The following PPFIA1 variants were observed in gnomAD, a reference collection of about 807,000 sequenced individuals.
PPFIA1 encodes the protein liprin-alpha-1.
A neutral mutation model predicts 149.9 loss-of-function variants in PPFIA1; 25 were observed. The observed-to-expected ratio is 0.17, with a 90% CI of 0.12 to 0.23. The LOEUF is 0.23. Among genes scored for constraint, PPFIA1 ranks in the 10% least tolerant of loss-of-function variants. PPFIA1 has a pLI of 1.00. For synonymous variants in PPFIA1, 549 were observed against 552.8 expected (o/e 0.99, Z 0.10); for missense variants, 1,362 against 1,506.5 (o/e 0.90, Z 1.59).
At chr11:70,272,123 G>A in intron 1 of PPFIA1, 50 bp from the exon 2 acceptor site, 1 of 1,567,862 alleles carries the variant, frequency 6.4e-7, no homozygotes, top group Non-Finnish European at 8.7e-7. Context: ...ATATTTGTGG[G>A]AACCTGTATT....
chr11:70,309,186 T>C (rs1319904345), intron 2 of PPFIA1, among the ~76,000 whole-genome samples: 2 of 152,184 alleles, frequency 1.3e-5, no homozygotes, highest in African/African-American at 4.8e-5. Context: ...TTTTTTTTTT[T>C]TGAAATGGAG....
intron 16 of PPFIA1, among the ~76,000 whole-genome samples, chr11:70,351,447 G>A (rs1025083145): frequency 2.0e-5 from 3 of 152,314 alleles, no homozygotes; most frequent in Non-Finnish European, 4.4e-5. Context: ...TATAGGCTGA[G>A]TGTCCCTGAT....
intron 14 of PPFIA1, among the ~76,000 whole-genome samples, chr11:70,342,383 G>T (rs1229486808): frequency 6.6e-6 from 1 of 152,198 alleles, no homozygotes. Flanking sequence ...TTGGGGGCTT[G>T]AAGAGTGAGG....
chr11:70,293,632 AT>A (rs766006598), intron 2 of PPFIA1, among the ~76,000 whole-genome samples: 4 of 152,284 alleles, frequency 2.6e-5, no homozygotes, highest in Admixed American at 2.6e-4. Context: ...CCATCACTTA[AT>A]CTGCTGGAGC....
At chr11:70,302,569 A>G (rs1040953878) in intron 2 of PPFIA1, among the ~76,000 whole-genome samples, 6 of 152,126 alleles carry the variant, frequency 3.9e-5, no homozygotes, top group Non-Finnish European at 8.8e-5. Flanking sequence ...CCAGTCAGTT[A>G]TGTCGTTTTC....
At chr11:70,274,659 G>T (rs1316907013) in intron 2 of PPFIA1, among the ~76,000 whole-genome samples, 1 of 151,994 alleles carries the variant, frequency 6.6e-6, no homozygotes, top group Non-Finnish European at 1.5e-5. Flanking sequence ...GACATTTGGG[G>T]TTGTTTCCAG....
At position 70,384,274 on chromosome 11, in the gene PPFIA1, T is replaced by C. The variant is rs2057805482; in HGVS notation, c.*1284T>C. ...CATTGTTACTGTTCTGTTTTTCTAT[T>C]AATCTTTTGTCAACTTCCTGATTAT... On this transcript the variant is annotated 3_prime_UTR_variant, in exon 28 of 28. Transcript: ENST00000253925. 6.6e-6 allele frequency: 1 copy of C among 152,658 alleles called. No individual in the cohort carries two copies. The allele number at this position is 152,658 out of a possible 1,614,324, so 9.5% of individuals were successfully genotyped here.
intron 2 of PPFIA1, among the ~76,000 whole-genome samples, chr11:70,279,725 GTGTGTGTGT>G (rs2050630412): frequency 3.1e-5 from 2 of 64,396 alleles, no homozygotes; most frequent in Non-Finnish European, 6.0e-5. Context: ...GTGTCTAGGT[GTGTGTGTGT>G]GTGTGTGTGT....
chr11:70,291,066 G>T (rs1466480844), intron 2 of PPFIA1, among the ~76,000 whole-genome samples: 1 of 151,930 alleles, frequency 6.6e-6, no homozygotes, highest in Non-Finnish European at 1.5e-5. Flanking sequence ...TGTATTTTTA[G>T]TAGAGACGGG....
At chr11:70,337,633 G>C (rs893703932) in intron 12 of PPFIA1, among the ~76,000 whole-genome samples, 1 of 152,180 alleles carries the variant, frequency 6.6e-6, no homozygotes, top group Non-Finnish European at 1.5e-5. Flanking sequence ...ATATGGTTCA[G>C]AATTCGGAGT....
intron 12 of PPFIA1, 105 bp from the exon 13 acceptor site, chr11:70,338,269 G>C (rs1379333665): frequency 2.0e-5 from 18 of 900,972 alleles, no homozygotes; most frequent in Non-Finnish European, 3.2e-5. Flanking sequence ...TGTAACTGCT[G>C]ATTTAACCTG....
intron 2 of PPFIA1, among the ~76,000 whole-genome samples, chr11:70,312,071 G>A (rs956362453): frequency 2.6e-5 from 4 of 151,542 alleles, no homozygotes; most frequent in Non-Finnish European, 5.9e-5. Context: ...TCGAACTCCT[G>A]GGCTCAAGTG....
At chr11:70,329,459 A>T (rs4980779) in intron 7 of PPFIA1, among the ~76,000 whole-genome samples, 71,684 of 151,826 alleles carry the variant, frequency 0.47, 19,908 homozygotes, top group African/African-American at 0.77. Context: ...TTATTTATTT[A>T]TTTTTGAGAC....
At chr11:70,348,083 T>C in intron 15 of PPFIA1, 106 bp from the exon 16 acceptor site, 1 of 842,706 alleles carries the variant, frequency 1.2e-6, no homozygotes, top group Non-Finnish European at 1.9e-6. Context: ...AGCTTATTAC[T>C]GGAGTTTACT....
chr11:70,382,149 TCTC>T lies in PPFIA1; in HGVS notation c.*6_*8del, dbSNP rs1013317003. 9.3e-6 allele frequency: 15 copies of T among 1,613,084 alleles called. No homozygotes were observed. Among genetic ancestry groups the T allele is most frequent in the Middle Eastern group, 1.6e-4 (1 of 6,082 alleles). On this transcript the variant is annotated 3_prime_UTR_variant, in exon 27 of 28. Coordinates refer to ENST00000253925, the MANE Select transcript of PPFIA1 (RefSeq NM_003626.5). The stretch of plus-strand genomic sequence containing the variant: ...CAGTCAGGACTTACTCCTGCTAAAG[TCTC>T]CTGTTGGTGAGTAGAGAGCACCACA...
At chr11:70,374,611 A>G (rs1255497100) in intron 23 of PPFIA1, 7 of 295,478 alleles carry the variant, frequency 2.4e-5, no homozygotes. Context: ...AAGTTCTTGC[A>G]GTCCTCTGGC....
chr11:70,356,419 T>G (rs768698097), intron 19 of PPFIA1, among the ~76,000 whole-genome samples, 165 bp downstream of exon 19: 3 of 152,236 alleles, frequency 2.0e-5, no homozygotes, highest in Admixed American at 6.5e-5. Context: ...GATTTAGTGT[T>G]TGTGAAATTT....
chr11:70,327,143 T>C (rs895886822), intron 7 of PPFIA1: 2 of 260,958 alleles, frequency 7.7e-6, no homozygotes, highest in African/African-American at 4.6e-5. Context: ...TTGTAGATTC[T>C]TCATCTGTGC....
chr11:70,343,203 TC>T, intron 14 of PPFIA1, among the ~76,000 whole-genome samples: 1 of 152,298 alleles, frequency 6.6e-6, no homozygotes, highest in East Asian at 1.9e-4. Context: ...CACCTCAGCC[TC>T]CCAAAATGCT....
Sources: allele counts gnomAD v4.1 joint callset (sites outside exome capture counted in the v4.1 genomes callset), GRCh38; gene constraint gnomAD v4.1.1; transcripts MANE v1.5; gene names NCBI Gene and HGNC (gene_info 2026-07-23, HGNC 2026-07-21).